ETV6: variants seen among roughly 807,000 people sequenced by gnomAD.
ETV6 encodes the protein ETS variant transcription factor 6.
Under a neutral mutation model 51.1 loss-of-function variants are expected in ETV6, and 16 were observed. That is an observed-to-expected ratio of 0.31 (90% CI 0.21 to 0.48). The LOEUF (loss-of-function observed/expected upper bound fraction) is 0.48. ETV6 is among the 20% of genes least tolerant of loss of function. The pLI is 0.99. For synonymous variants in ETV6, 240 were observed against 224.1 expected (o/e 1.07, Z -0.64); for missense variants, 458 against 594.8 (o/e 0.77, Z 2.39).
intron 2 of ETV6, among the ~76,000 whole-genome samples, chr12:11,763,598 C>T (rs1359380843): frequency 6.6e-6 from 1 of 152,240 alleles, no homozygotes; most frequent in Admixed American, 6.5e-5. Context: ...ATTTTTGCTT[C>T]AGATGAATCC....
At chr12:11,791,125 A>G (rs576776561) in intron 2 of ETV6, among the ~76,000 whole-genome samples, 2 of 152,210 alleles carry the variant, frequency 1.3e-5, no homozygotes, top group East Asian at 1.9e-4. Context: ...TTTCCTTACT[A>G]TGAGTTTAGA....
chr12:11,869,348 G>A lies in ETV6; in HGVS notation c.464-76G>A, dbSNP rs189444644. The stretch of plus-strand genomic sequence containing the variant: ...ATACCTACACGCTCCTCCATTTACC[G>A]CCTGTAGAGCCGCAGGGAGTTTCCT... On this transcript the variant is annotated intron_variant, in intron 4 of 7. Transcript: ENST00000396373. The surrounding 1 kb of genome is among the most constrained non-coding windows in gnomAD (Gnocchi z 5.0). 72 of 1,363,474 alleles carry A rather than the reference G, an allele frequency of 5.3e-5. No homozygotes were observed. In the Middle Eastern group the frequency reaches 5.6e-4, roughly 11 times the overall value. 84.5% of individuals were successfully genotyped at this position (1,363,474 alleles called of 1,614,324 possible). A position where few individuals can be genotyped will look rare whatever the true frequency, so the allele number is the denominator to read the frequency against.
chr12:11,712,133 C>T (rs562023962), intron 1 of ETV6, among the ~76,000 whole-genome samples: 1 of 152,200 alleles, frequency 6.6e-6, no homozygotes, highest in Non-Finnish European at 1.5e-5. Context: ...GCTCCCTTCA[C>T]CCCCCCATCT....
At chr12:11,729,352 T>G (rs1425448743) in intron 1 of ETV6, among the ~76,000 whole-genome samples, 1 of 152,134 alleles carries the variant, frequency 6.6e-6, no homozygotes, top group Admixed American at 6.5e-5. Flanking sequence ...GTTCAAAGGT[T>G]TTGTGCCTTT....
intron 2 of ETV6, among the ~76,000 whole-genome samples, chr12:11,799,636 C>A (rs563749906): frequency 6.6e-6 from 1 of 152,270 alleles, no homozygotes; most frequent in African/African-American, 2.4e-5. Flanking sequence ...AACAGGAGAA[C>A]CATGCATTCT....
intron 1 of ETV6, among the ~76,000 whole-genome samples, chr12:11,662,738 C>T (rs930858748): frequency 8.5e-5 from 13 of 152,190 alleles, no homozygotes; most frequent in African/African-American, 3.1e-4. Context: ...CCCAGTTACT[C>T]TTCCTTTATG....
chr12:11,814,209 T>C (rs1565536209), intron 2 of ETV6, among the ~76,000 whole-genome samples: 1 of 152,210 alleles, frequency 6.6e-6, no homozygotes, highest in East Asian at 1.9e-4. Flanking sequence ...TAAATTGTGT[T>C]AAATAGAGTT....
intron 2 of ETV6, among the ~76,000 whole-genome samples, chr12:11,793,916 T>C (rs1469354346): frequency 1.3e-5 from 2 of 152,196 alleles, no homozygotes; most frequent in African/African-American, 2.4e-5. Flanking sequence ...TTTCTTTTTT[T>C]CTTCATCAAA....
intron 2 of ETV6, among the ~76,000 whole-genome samples, chr12:11,814,052 T>C (rs1285642558): frequency 6.6e-6 from 1 of 152,202 alleles, no homozygotes; most frequent in East Asian, 1.9e-4. Flanking sequence ...CGGTAAAACC[T>C]CCATTATCTG....
intron 2 of ETV6, among the ~76,000 whole-genome samples, chr12:11,757,900 T>C (rs892184126): frequency 1.3e-5 from 2 of 152,198 alleles, no homozygotes; most frequent in Non-Finnish European, 2.9e-5. Flanking sequence ...GATGGTTTAT[T>C]CTGGTTTTGT....
intron 1 of ETV6, among the ~76,000 whole-genome samples, chr12:11,745,243 T>C (rs1865886063): frequency 6.6e-6 from 1 of 152,246 alleles, no homozygotes; most frequent in Non-Finnish European, 1.5e-5. Context: ...CTTGCAGTTA[T>C]ACGGAACCTT....
At position 11,665,885 on chromosome 12, in the gene ETV6, G is replaced by A. The variant is rs1409733295; in HGVS notation, c.33+15725G>A. Among the ~76,000 whole-genome samples the A allele has an allele frequency of 5.3e-5, 8 of 152,204 alleles. No individual in the cohort carries two copies. In the South Asian group the frequency reaches 1.4e-3, roughly 28 times the overall value. ...CTTCTCAGTTGCCTACTTTCTAGAG[G>A]GGAATATAGATAGCTGGAGAAGAAG... On this transcript the variant is annotated intron_variant, in intron 1 of 7. Coordinates refer to ENST00000396373, the MANE Select transcript of ETV6 (RefSeq NM_001987.5).
At chr12:11,804,349 C>G (rs1441676923) in intron 2 of ETV6, among the ~76,000 whole-genome samples, 1 of 152,204 alleles carries the variant, frequency 6.6e-6, no homozygotes. Context: ...TGGAAACCTT[C>G]TGAGTTCTCA....
intron 1 of ETV6, among the ~76,000 whole-genome samples, chr12:11,711,801 A>G (rs535090784): frequency 6.6e-6 from 1 of 152,338 alleles, no homozygotes; most frequent in Non-Finnish European, 1.5e-5. Context: ...TGCTTTCTTC[A>G]ACATCATTAT....
At chr12:11,719,031 A>T (rs912775304) in intron 1 of ETV6, among the ~76,000 whole-genome samples, 1 of 152,216 alleles carries the variant, frequency 6.6e-6, no homozygotes, top group Non-Finnish European at 1.5e-5. Context: ...TGTTAGGGTA[A>T]TCAGTGTGAT....
intron 1 of ETV6, among the ~76,000 whole-genome samples, chr12:11,659,153 GTT>G (rs1026260506): frequency 3.9e-5 from 6 of 152,214 alleles, no homozygotes; most frequent in African/African-American, 1.4e-4. Flanking sequence ...ATACAGAAGA[GTT>G]TGAAAAGGCC....
intron 3 of ETV6, among the ~76,000 whole-genome samples, chr12:11,839,713 CT>C (rs1439187328): frequency 1.3e-5 from 2 of 152,200 alleles, no homozygotes; most frequent in Admixed American, 1.3e-4. Context: ...AACCTCAACT[CT>C]ACAGAAATTT....
chr12:11,766,916 C>T (rs573826550), intron 2 of ETV6, among the ~76,000 whole-genome samples: 6 of 152,218 alleles, frequency 3.9e-5, no homozygotes, highest in South Asian at 4.1e-4. Flanking sequence ...GCTGGGTGGA[C>T]GATATTCTTG....
chr12:11,718,872 A>C (rs1413812806), intron 1 of ETV6, among the ~76,000 whole-genome samples: 10 of 152,238 alleles, frequency 6.6e-5, no homozygotes, highest in African/African-American at 2.2e-4. Flanking sequence ...CCAGACTTGC[A>C]GAACAATCAC....
Sources: allele counts gnomAD v4.1 joint callset (sites outside exome capture counted in the v4.1 genomes callset), GRCh38; gene constraint gnomAD v4.1.1; non-coding constraint Gnocchi (gnomAD v3.1); transcripts MANE v1.5; gene names NCBI Gene and HGNC (gene_info 2026-07-23, HGNC 2026-07-21).